Variants in LHFPL3 observed in about 807,000 individuals in gnomAD.
The protein encoded by LHFPL3 is LHFPL tetraspan subfamily member 3.
In LHFPL3, 5 loss-of-function variants were observed where a neutral mutation model predicts 19.3. The observed-to-expected ratio is 0.26, with a 90% CI of 0.14 to 0.54. LHFPL3 has a LOEUF of 0.54. Ranked by LOEUF, LHFPL3 falls within the 20% of genes least tolerant of loss-of-function variation. The pLI, the probability that LHFPL3 is intolerant of heterozygous loss-of-function variation, is 0.94. For missense variants in LHFPL3, 249 were observed against 307.4 expected, an observed-to-expected ratio of 0.81 and a Z score of 1.42; for synonymous variants, 133 against 126.2, an observed-to-expected ratio of 1.05 and a Z score of -0.36.
chr7:104,469,180 C>T (rs1484919915), intron 1 of LHFPL3, among the ~76,000 whole-genome samples: 4 of 152,158 alleles, frequency 2.6e-5, no homozygotes, highest in Non-Finnish European at 4.4e-5. Flanking sequence ...CTGGCTGCTG[C>T]AGATTATTAT....
intron 1 of LHFPL3, among the ~76,000 whole-genome samples, chr7:104,638,093 A>G (rs896982301): frequency 2.0e-5 from 3 of 151,996 alleles, no homozygotes; most frequent in African/African-American, 7.3e-5. Flanking sequence ...TTCTCACTTT[A>G]GAGATGTTTC....
intron 1 of LHFPL3, among the ~76,000 whole-genome samples, chr7:104,578,410 C>T (rs71558688): frequency 0.033 from 5,055 of 152,280 alleles, 158 homozygotes; most frequent in East Asian, 0.1. Flanking sequence ...CCTCTCCAGC[C>T]AGGGGTATCC....
chr7:104,562,562 G>T (rs778073368), intron 1 of LHFPL3, among the ~76,000 whole-genome samples: 2 of 151,790 alleles, frequency 1.3e-5, no homozygotes, highest in East Asian at 1.9e-4. Flanking sequence ...CTCTGTATTG[G>T]TTATTCTAGT....
intron 1 of LHFPL3, among the ~76,000 whole-genome samples, chr7:104,444,819 C>T (rs765228822): frequency 1.1e-4 from 16 of 151,938 alleles, no homozygotes; most frequent in Non-Finnish European, 2.1e-4. Flanking sequence ...AGAAACCCTG[C>T]CTCTACAAAA....
chr7:104,873,880 G>C lies in LHFPL3; in HGVS notation c.683-32307G>C, dbSNP rs73714153. On this transcript the variant is annotated intron_variant, in intron 2 of 2. Transcript: ENST00000424859. ...GCACCCATTTAACAAAGCTAGTCTCGGTTGCCCTCAGAACGTATGATGAAG... is the reference window on the plus strand; with the variant it reads ...GCACCCATTTAACAAAGCTAGTCTCCGTTGCCCTCAGAACGTATGATGAAG... Among the ~76,000 whole-genome samples the C allele has an allele frequency of 2.3e-3, 357 of 152,300 alleles. 3 individuals carry two copies. The highest frequency in any genetic ancestry group is 8.0e-3 in the African/African-American group (334 of 41,570).
At chr7:104,725,587 G>C (rs1007590040) in intron 1 of LHFPL3, among the ~76,000 whole-genome samples, 3 of 151,960 alleles carry the variant, frequency 2.0e-5, no homozygotes, top group African/African-American at 7.3e-5. Context: ...AAGATCTTCT[G>C]CATCCTCCAA....
At chr7:104,357,751 C>CTCTTCT (rs1176256033) in intron 1 of LHFPL3, among the ~76,000 whole-genome samples, 244 of 137,788 alleles carry the variant, frequency 1.8e-3, no homozygotes, top group African/African-American at 6.0e-3. Flanking sequence ...GGTGGAATTT[C>CTCTTCT]TCCTCTTCCT....
intron 1 of LHFPL3, among the ~76,000 whole-genome samples, chr7:104,627,098 A>C (rs1247096906): frequency 6.6e-6 from 1 of 152,042 alleles, no homozygotes; most frequent in Non-Finnish European, 1.5e-5. Flanking sequence ...TATCTAACCG[A>C]AATTTTATCT....
At chr7:104,385,194 C>G (rs888329535) in intron 1 of LHFPL3, among the ~76,000 whole-genome samples, 1 of 152,100 alleles carries the variant, frequency 6.6e-6, no homozygotes, top group African/African-American at 2.4e-5. Context: ...GACTTGGTAG[C>G]CCAATACCAT....
intron 1 of LHFPL3, among the ~76,000 whole-genome samples, chr7:104,389,490 T>A (rs1286179376): frequency 2.0e-5 from 3 of 152,178 alleles, no homozygotes; most frequent in African/African-American, 7.2e-5. Context: ...CCTCCAGTGG[T>A]TCCTTTGTGG....
chr7:104,750,850 C>T (rs1252296866), intron 2 of LHFPL3, among the ~76,000 whole-genome samples: 3 of 152,044 alleles, frequency 2.0e-5, no homozygotes, highest in Non-Finnish European at 2.9e-5. Flanking sequence ...CCCCTTTGCT[C>T]ATTTCCCGAC....
At chr7:104,827,040 C>T (rs1790837389) in intron 2 of LHFPL3, among the ~76,000 whole-genome samples, 2 of 151,904 alleles carry the variant, frequency 1.3e-5, no homozygotes, top group African/African-American at 2.4e-5. Flanking sequence ...TGGGGGACCC[C>T]ATCACCTATT....
chr7:104,747,828 G>T (rs1024784306), intron 2 of LHFPL3, among the ~76,000 whole-genome samples: 3 of 152,140 alleles, frequency 2.0e-5, no homozygotes, highest in African/African-American at 4.8e-5. Flanking sequence ...ATTTACTTGG[G>T]ATACTTATCT....
chr7:104,454,734 G>C (rs770581072), intron 1 of LHFPL3, among the ~76,000 whole-genome samples: 1 of 152,076 alleles, frequency 6.6e-6, no homozygotes, highest in Admixed American at 6.6e-5. Flanking sequence ...TCCATTGTTT[G>C]TTTCCTTCTC....
intron 1 of LHFPL3, among the ~76,000 whole-genome samples, chr7:104,568,217 G>C (rs558214713): frequency 6.6e-6 from 1 of 152,300 alleles, no homozygotes; most frequent in East Asian, 1.9e-4. Flanking sequence ...AAGAGCTACT[G>C]ACTTGGTAGG....
At chr7:104,869,317 A>G (rs1330868156) in intron 2 of LHFPL3, among the ~76,000 whole-genome samples, 2 of 152,254 alleles carry the variant, frequency 1.3e-5, no homozygotes, top group Non-Finnish European at 2.9e-5. Context: ...ACAGAATGGG[A>G]GAAAATTTTT....
At chr7:104,780,796 C>T (rs928476822) in intron 2 of LHFPL3, among the ~76,000 whole-genome samples, 2 of 152,214 alleles carry the variant, frequency 1.3e-5, no homozygotes, top group African/African-American at 4.8e-5. Flanking sequence ...ATGCCTTCTT[C>T]TCCACGCAAG....
intron 1 of LHFPL3, among the ~76,000 whole-genome samples, chr7:104,603,039 TAAG>T (rs1790999090): frequency 6.6e-6 from 1 of 152,142 alleles, no homozygotes; most frequent in African/African-American, 2.4e-5. Flanking sequence ...CAATGAGGAT[TAAG>T]TTTTCTTTTT....
At chr7:104,791,748 C>T (rs960253594) in intron 2 of LHFPL3, among the ~76,000 whole-genome samples, 3 of 152,144 alleles carry the variant, frequency 2.0e-5, no homozygotes, top group Non-Finnish European at 2.9e-5. Flanking sequence ...CTAAGGGATA[C>T]ATTTCCTGAT....
Sources: allele counts gnomAD v4.1 joint callset (sites outside exome capture counted in the v4.1 genomes callset), GRCh38; gene constraint gnomAD v4.1.1; transcripts MANE v1.5; gene names NCBI Gene and HGNC (gene_info 2026-07-23, HGNC 2026-07-21).